Variants in GNAZ observed in about 807,000 individuals in gnomAD.
GNAZ encodes guanine nucleotide-binding protein G(z) subunit alpha.
In GNAZ, 3 loss-of-function variants were observed where a neutral mutation model predicts 25.4. The observed-to-expected ratio is 0.12, with a 90% CI of 0.05 to 0.30. The LOEUF is 0.30. Ranked by LOEUF, GNAZ falls within the 10% of genes least tolerant of loss-of-function variation. GNAZ has a pLI of 1.00. For synonymous variants in GNAZ, 211 were observed against 205.7 expected (o/e 1.03, Z -0.22); for missense variants, 241 against 501.8 (o/e 0.48, Z 4.97).
At chr22:23,110,397 G>C (rs2069611391) in intron 2 of GNAZ, among the ~76,000 whole-genome samples, 1 of 152,336 alleles carries the variant, frequency 6.6e-6, no homozygotes, top group South Asian at 2.1e-4. Context: ...GCCACGTTCT[G>C]GGGCCCTCCC....
chr22:23,074,219 T>C (rs967817767), intron 1 of GNAZ, among the ~76,000 whole-genome samples: 14 of 151,956 alleles, frequency 9.2e-5, no homozygotes, highest in African/African-American at 3.4e-4. Flanking sequence ...AAGATCTCTC[T>C]GCTGAGGTGG....
At chr22:23,091,251 C>A (rs2068963864) in intron 1 of GNAZ, among the ~76,000 whole-genome samples, 1 of 152,216 alleles carries the variant, frequency 6.6e-6, no homozygotes, top group Non-Finnish European at 1.5e-5. Flanking sequence ...TACAAGCAAC[C>A]AGACACAGAC....
At chr22:23,099,238 G>T (rs755302587) in intron 2 of GNAZ, among the ~76,000 whole-genome samples, 4 of 152,276 alleles carry the variant, frequency 2.6e-5, no homozygotes, top group Non-Finnish European at 5.9e-5. Context: ...TGCAGTGAGT[G>T]CAGGGCAGCA....
intron 2 of GNAZ, among the ~76,000 whole-genome samples, chr22:23,108,123 G>C (rs1227320125): frequency 6.6e-6 from 1 of 152,218 alleles, no homozygotes; most frequent in Admixed American, 6.5e-5. Flanking sequence ...GGTGGGGCCA[G>C]GGGCACACAG....
At chr22:23,122,762 C>A in intron 2 of GNAZ, 1 of 346,858 alleles carries the variant, frequency 2.9e-6, no homozygotes, top group Non-Finnish European at 5.3e-6. Context: ...GCTGGAGGTG[C>A]CCAGCGGTTT....
intron 2 of GNAZ, among the ~76,000 whole-genome samples, chr22:23,120,107 C>T (rs997284413): frequency 6.6e-6 from 1 of 152,154 alleles, no homozygotes; most frequent in Non-Finnish European, 1.5e-5. Flanking sequence ...TGTGAGGCAC[C>T]GTGCCCACCT....
At position 23,124,168 on chromosome 22, in the gene GNAZ, A is replaced by C. The variant is rs895900403; in HGVS notation, c.*737A>C. The C allele has an allele frequency of 8.8e-5, 20 of 227,498 alleles. No homozygotes were observed. The highest frequency in any genetic ancestry group is 1.4e-4 in the African/African-American group (6 of 42,460). The allele number at this position is 227,498 out of a possible 1,614,324, so 14.1% of individuals were successfully genotyped here. On this transcript the variant is annotated 3_prime_UTR_variant, in exon 3 of 3. Coordinates refer to ENST00000615612, the MANE Select transcript of GNAZ (RefSeq NM_002073.4). ...ACTAGTCTGATGTTTTATAAATCAAAACCTGGTTTTCCTTCTCTGACATTT... is the reference window on the plus strand; with the variant it reads ...ACTAGTCTGATGTTTTATAAATCAACACCTGGTTTTCCTTCTCTGACATTT...
At chr22:23,115,402 G>A (rs977343961) in intron 2 of GNAZ, among the ~76,000 whole-genome samples, 1 of 152,216 alleles carries the variant, frequency 6.6e-6, no homozygotes, top group Admixed American at 6.5e-5. Flanking sequence ...CATCTCTGGG[G>A]TGTGTGCAAG....
intron 2 of GNAZ, among the ~76,000 whole-genome samples, chr22:23,118,497 C>CT (rs5844547): frequency 0.22 from 33,075 of 151,692 alleles, 4,158 homozygotes; most frequent in Middle Eastern, 0.33. Context: ...CCGCGGCTGC[C>CT]TTGGCAGCCA....
rs148159354 is a variant in GNAZ, at chr22:23,101,216, G to A, written c.723+4798G>A. On this transcript the variant is annotated intron_variant, in intron 2 of 2. Transcript: ENST00000615612. Reference sequence around the variant, plus strand: ...AGCCGGCTTTGCAGATGAGGAAACTGAGCCTCAGAGAGGTTCCTTCACATA... The same window carrying A: ...AGCCGGCTTTGCAGATGAGGAAACTAAGCCTCAGAGAGGTTCCTTCACATA... Among the ~76,000 whole-genome samples, 36 of 152,288 alleles carry A rather than the reference G, an allele frequency of 2.4e-4. No individual in the cohort carries two copies. The East Asian group carries it at 6.4e-3, about 27-fold the overall frequency.
chr22:23,077,221 C>T (rs775833030), intron 1 of GNAZ, among the ~76,000 whole-genome samples: 13 of 152,182 alleles, frequency 8.5e-5, no homozygotes, highest in Non-Finnish European at 1.8e-4. Context: ...ATGCCCCTTC[C>T]TTAGTGACAC....
At chr22:23,092,326 A>G (rs1172130735) in intron 1 of GNAZ, among the ~76,000 whole-genome samples, 1 of 152,120 alleles carries the variant, frequency 6.6e-6, no homozygotes, top group Non-Finnish European at 1.5e-5. Flanking sequence ...CTCCCAACGC[A>G]AGGCTTCCTT....
chr22:23,121,600 C>A (rs1482867280), intron 2 of GNAZ, among the ~76,000 whole-genome samples: 3 of 152,284 alleles, frequency 2.0e-5, no homozygotes, highest in African/African-American at 7.2e-5. Flanking sequence ...TGGTTACCAG[C>A]GTCATTGTCA....
At chr22:23,117,526 G>C (rs551371339) in intron 2 of GNAZ, among the ~76,000 whole-genome samples, 1 of 152,214 alleles carries the variant, frequency 6.6e-6, no homozygotes, top group South Asian at 2.1e-4. Context: ...CTCATGCTGG[G>C]ACAGAGGGAA....
intron 2 of GNAZ, among the ~76,000 whole-genome samples, chr22:23,118,045 C>G (rs888991768): frequency 2.0e-5 from 3 of 152,230 alleles, no homozygotes; most frequent in Non-Finnish European, 4.4e-5. Flanking sequence ...GCTGGAAGCC[C>G]CTTAGGGATG....
chr22:23,107,091 C>T (rs995048580), intron 2 of GNAZ, among the ~76,000 whole-genome samples: 13 of 152,262 alleles, frequency 8.5e-5, no homozygotes, highest in African/African-American at 2.4e-4. Context: ...AGGGCTTTAG[C>T]GGCAGCCTGT....
At chr22:23,099,794 C>T (rs561170882) in intron 2 of GNAZ, among the ~76,000 whole-genome samples, 1 of 152,206 alleles carries the variant, frequency 6.6e-6, no homozygotes, top group African/African-American at 2.4e-5. Flanking sequence ...GAAGCTGGCA[C>T]CTACCAGCCC....
intron 1 of GNAZ, among the ~76,000 whole-genome samples, chr22:23,074,969 A>T (rs2068474875): frequency 6.6e-6 from 1 of 152,162 alleles, no homozygotes; most frequent in South Asian, 2.1e-4. Flanking sequence ...GGAGTTTGAG[A>T]CCAGCCTGAG....
chr22:23,079,760 A>C (rs1264738888), intron 1 of GNAZ, among the ~76,000 whole-genome samples: 1 of 152,138 alleles, frequency 6.6e-6, no homozygotes, highest in Non-Finnish European at 1.5e-5. Flanking sequence ...CTGGACAGTC[A>C]GGGCAATTAA....
Sources: allele counts gnomAD v4.1 joint callset (sites outside exome capture counted in the v4.1 genomes callset), GRCh38; gene constraint gnomAD v4.1.1; transcripts MANE v1.5; gene names NCBI Gene and HGNC (gene_info 2026-07-23, HGNC 2026-07-21).